The following CNBD1 variants were observed in gnomAD, a reference collection of about 807,000 sequenced individuals.
CNBD1 encodes the protein cyclic nucleotide-binding domain-containing protein 1.
CNBD1 carries 71 observed loss-of-function variants against 54.4 expected under a neutral mutation model. That is an observed-to-expected ratio of 1.30 (90% CI 1.08 to 1.59). The LOEUF (loss-of-function observed/expected upper bound fraction) is 1.59. Ranked by LOEUF, CNBD1 falls within the 40% of genes most tolerant of loss-of-function variation. CNBD1 has a pLI of 0.00. For missense variants in CNBD1, 659 were observed against 518.0 expected (o/e 1.27, Z -2.64); for synonymous variants, 182 against 170.7 (o/e 1.07, Z -0.51).
At chr8:87,422,308 G>A (rs930211012) in intron 2 of CNBD1, among the ~76,000 whole-genome samples, 3 of 146,492 alleles carry the variant, frequency 2.0e-5, no homozygotes, top group African/African-American at 7.9e-5. Flanking sequence ...TTTGTCTTTT[G>A]TTGCCATTGC....
chr8:87,029,094 G>T (rs1046764408), intron 4 of CNBD1, among the ~76,000 whole-genome samples: 1 of 152,126 alleles, frequency 6.6e-6, no homozygotes, highest in Non-Finnish European at 1.5e-5. Context: ...AAAACATTTA[G>T]TCTTCAATAG....
chr8:87,286,720 T>A, intron 8 of CNBD1, 49 bp downstream of exon 8: 1 of 1,307,340 alleles, frequency 7.6e-7, no homozygotes, highest in Non-Finnish European at 1.1e-6. Context: ...TGTTATATTA[T>A]TGGAATTGAA....
intron 4 of CNBD1, among the ~76,000 whole-genome samples, chr8:86,968,111 C>A (rs1808132776): frequency 1.3e-5 from 2 of 152,122 alleles, no homozygotes; most frequent in Non-Finnish European, 2.9e-5. Flanking sequence ...TGCCTTCCTC[C>A]TGGTGGATTT....
intron 10 of CNBD1, among the ~76,000 whole-genome samples, chr8:87,364,557 C>T (rs912550683): frequency 1.3e-5 from 2 of 151,694 alleles, no homozygotes; most frequent in African/African-American, 4.8e-5. Flanking sequence ...ACTCATGACT[C>T]AGTGGTTTAG....
chr8:87,100,905 C>T (rs566431432), intron 4 of CNBD1, among the ~76,000 whole-genome samples: 4 of 152,288 alleles, frequency 2.6e-5, no homozygotes, highest in African/African-American at 9.6e-5. Context: ...TACCAAAATC[C>T]TTGTCTTCCT....
At chr8:87,161,566 T>G (rs556100275) in intron 4 of CNBD1, among the ~76,000 whole-genome samples, 2 of 152,070 alleles carry the variant, frequency 1.3e-5, no homozygotes, top group Non-Finnish European at 2.9e-5. Flanking sequence ...ACAGAACAAT[T>G]AAGTACACAT....
At chr8:87,337,633 G>A (rs143378397) in intron 8 of CNBD1, among the ~76,000 whole-genome samples, 3 of 151,454 alleles carry the variant, frequency 2.0e-5, no homozygotes, top group Non-Finnish European at 2.9e-5. Flanking sequence ...CAATCTGTTG[G>A]TTGCACACTT....
chr8:86,878,406 C>T (rs1808557061), intron 1 of CNBD1, among the ~76,000 whole-genome samples: 1 of 152,078 alleles, frequency 6.6e-6, no homozygotes, highest in Admixed American at 6.6e-5. Flanking sequence ...CAACTTTGTT[C>T]TGTTCTCTTC....
chr8:87,368,161 A>AAAAAGAAAAG (rs71277938), intron 10 of CNBD1, among the ~76,000 whole-genome samples: 1,500 of 148,240 alleles, frequency 0.01, 37 homozygotes, highest in African/African-American at 0.035. Flanking sequence ...GATTCCATCT[A>AAAAAGAAAAG]AAAAGAAAAG....
chr8:87,179,376 T>C (rs1295177269), intron 4 of CNBD1, among the ~76,000 whole-genome samples: 1 of 152,204 alleles, frequency 6.6e-6, no homozygotes, highest in Non-Finnish European at 1.5e-5. Flanking sequence ...ATTATGACTT[T>C]AAAGAATTAT....
At position 87,089,698 on chromosome 8, in the gene CNBD1, G is replaced by A. The variant is rs543477397; in HGVS notation, c.432-116295G>A. Among the ~76,000 whole-genome samples, 393 of 152,124 alleles carry A rather than the reference G, an allele frequency of 2.6e-3. 1 individual carries two copies. The highest frequency in any genetic ancestry group is 9.2e-3 in the African/African-American group (381 of 41,546). ...GTGAGACTATATTATAAAGAATTGA[G>A]GGGTAACTGAAAGGTGAGAAAATGG... On this transcript the variant is annotated intron_variant, in intron 4 of 10. Transcript: ENST00000518476.
At chr8:86,941,870 G>A (rs1037959136) in intron 4 of CNBD1, among the ~76,000 whole-genome samples, 1 of 152,178 alleles carries the variant, frequency 6.6e-6, no homozygotes, top group Admixed American at 6.5e-5. Context: ...TGTTGGGTCA[G>A]TATCAGTTTC....
At chr8:86,964,083 C>T (rs1394464553) in intron 4 of CNBD1, among the ~76,000 whole-genome samples, 1 of 7,012 alleles carries the variant, frequency 1.4e-4, no homozygotes, top group Admixed American at 1.6e-3. Context: ...GTGGCCACTT[C>T]CAGAGGTCCT....
At chr8:87,173,755 T>A (rs540503030) in intron 4 of CNBD1, among the ~76,000 whole-genome samples, 3 of 152,018 alleles carry the variant, frequency 2.0e-5, no homozygotes, top group Non-Finnish European at 4.4e-5. Context: ...CAGTAAAATC[T>A]GCTTGGTGTT....
At chr8:87,370,298 G>A (rs968999496) in intron 10 of CNBD1, among the ~76,000 whole-genome samples, 15 of 152,070 alleles carry the variant, frequency 9.9e-5, no homozygotes, top group African/African-American at 1.7e-4. Context: ...CTGAGGAATC[G>A]CCACACTGAC....
At chr8:87,086,225 T>G (rs1360882205) in intron 4 of CNBD1, among the ~76,000 whole-genome samples, 1 of 152,106 alleles carries the variant, frequency 6.6e-6, no homozygotes, top group Non-Finnish European at 1.5e-5. Context: ...TTTAGCTGGG[T>G]TTTTCTTACT....
chr8:87,142,862 C>T (rs544082575), intron 4 of CNBD1, among the ~76,000 whole-genome samples: 5 of 150,026 alleles, frequency 3.3e-5, no homozygotes, highest in African/African-American at 9.8e-5. Context: ...GCTCGTTGTT[C>T]GTGAGATTTT....
chr8:86,994,065 A>G (rs963978141), intron 4 of CNBD1, among the ~76,000 whole-genome samples: 12 of 152,148 alleles, frequency 7.9e-5, no homozygotes, highest in African/African-American at 2.9e-4. Context: ...GCACCAGTCA[A>G]TGATCCTGCA....
chr8:86,939,537 C>A, intron 3 of CNBD1, 59 bp from the exon 4 acceptor site: 5 of 1,196,626 alleles, frequency 4.2e-6, no homozygotes, highest in Non-Finnish European at 5.7e-6. Context: ...AGTAAAAGTC[C>A]CTGTAAATAA....
Sources: gnomAD v4.1 joint callset for allele counts (sites outside exome capture counted in the v4.1 genomes callset) on GRCh38, gnomAD v4.1.1 for gene constraint, MANE v1.5 for transcripts, NCBI Gene and HGNC (gene_info 2026-07-23, HGNC 2026-07-21) for gene names.